The following CCSER2 variants were observed in gnomAD, a reference collection of about 807,000 sequenced individuals.
CCSER2 encodes the protein coiled-coil serine rich protein 2.
A neutral mutation model predicts 92.3 loss-of-function variants in CCSER2; 46 were observed. The ratio of observed to expected loss-of-function variants is 0.50; its 90% CI spans 0.39 to 0.64. CCSER2 has a LOEUF of 0.64. CCSER2 is among the 30% of genes least tolerant of loss of function. The probability of loss-of-function intolerance (pLI) is 0.00; values close to 1 mark genes in which losing one functional copy is unlikely to be tolerated. For synonymous variants in CCSER2, 433 were observed against 431.4 expected, an observed-to-expected ratio of 1.00 and a Z score of -0.04; for missense variants, 1,244 against 1,238.9, an observed-to-expected ratio of 1.00 and a Z score of -0.06.
At chr10:84,430,746 T>A (rs1564655358) in intron 5 of CCSER2, among the ~76,000 whole-genome samples, 1 of 152,234 alleles carries the variant, frequency 6.6e-6, no homozygotes, top group Non-Finnish European at 1.5e-5. Flanking sequence ...CAGAGCTTGC[T>A]GTTTCTTTGA....
intron 9 of CCSER2, chr10:84,507,173 T>C (rs1428117913): frequency 4.5e-5 from 9 of 199,686 alleles, no homozygotes; most frequent in African/African-American, 2.1e-4. Flanking sequence ...AACACAACAA[T>C]AGCAAAGCAA....
intron 9 of CCSER2, among the ~76,000 whole-genome samples, chr10:84,492,097 A>G (rs1207311926): frequency 3.3e-5 from 5 of 152,020 alleles, no homozygotes; most frequent in Non-Finnish European, 5.9e-5. Flanking sequence ...GGCTAACACA[A>G]TGAAACTCTG....
Position 84,419,746 on chromosome 10 carries a change from T to C in CCSER2, c.1705+1885T>C, listed in dbSNP as rs146343631. On this transcript the variant is annotated intron_variant, in intron 4 of 9. Transcript: ENST00000372088. The stretch of plus-strand genomic sequence containing the variant: ...AAGAACAAGGAAAATGACAGAACCC[T>C]GAGGATTAGAGTAGTCAAAGGAGAT... Among the ~76,000 whole-genome samples the C allele has an allele frequency of 5.2e-3, 798 of 152,292 alleles. 2 individuals carry two copies. Among genetic ancestry groups the C allele is most frequent in the African/African-American group, 0.018 (757 of 41,578 alleles).
At chr10:84,384,337 T>C (rs1469163787) in intron 3 of CCSER2, among the ~76,000 whole-genome samples, 2 of 152,172 alleles carry the variant, frequency 1.3e-5, no homozygotes, top group Non-Finnish European at 2.9e-5. Flanking sequence ...AAAAAACTAC[T>C]GGCCAGTATC....
intron 1 of CCSER2, among the ~76,000 whole-genome samples, chr10:84,365,983 A>G (rs1006309398): frequency 1.3e-5 from 2 of 152,184 alleles, no homozygotes; most frequent in African/African-American, 4.8e-5. Flanking sequence ...AATGAGGAAG[A>G]CAGTTGTCTG....
chr10:84,513,839 A>T lies in CCSER2; in HGVS notation c.2716A>T (p.Asn906Tyr). The change falls in exon 10 of 10, where the codon AAT becomes TAT. Residue 906 changes from asparagine (N) to tyrosine (Y), a missense_variant. Transcript: ENST00000372088. ...AGACCAGGCTAAGAGAGTTGGAAGA[A>T]ATCAGTCTCCGCCAGTGGGTTATAT... ...TVDQAKRVGR[N>Y]QSPPVGYMSQ... 6.5e-7 allele frequency: 1 copy of T among 1,536,254 alleles called. No individual in the cohort carries two copies. The highest frequency in any genetic ancestry group is 8.7e-7 in the Non-Finnish European group (1 of 1,146,930).
rs760290093 is a variant in CCSER2 at position 84,513,904 on chromosome 10, A to G, written c.2781A>G (p.Ile927Met). The change falls in exon 10 of 10, where the codon ATA (isoleucine) becomes ATG (methionine). Residue 927 changes from isoleucine (I) to methionine (M), a missense_variant. Coordinates refer to ENST00000372088, the MANE Select transcript of CCSER2 (RefSeq NM_001284240.2). ...PKSLQLLKPSILSSLVPPPVS... is the reference protein window; with the variant it reads ...PKSLQLLKPSMLSSLVPPPVS... Reference sequence around the variant, plus strand: ...CCTTGCAGCTTTTAAAGCCATCCATATTGAGTTCTTTGGTACCGCCTCCAG... The same window carrying G: ...CCTTGCAGCTTTTAAAGCCATCCATGTTGAGTTCTTTGGTACCGCCTCCAG... 33 of 1,536,508 alleles carry G rather than the reference A, an allele frequency of 2.1e-5. No homozygotes were observed. The highest frequency in any genetic ancestry group is 5.5e-5 in the African/African-American group (4 of 73,160).
intron 8 of CCSER2, among the ~76,000 whole-genome samples, chr10:84,477,316 A>G (rs1847207149): frequency 6.6e-6 from 1 of 152,172 alleles, no homozygotes; most frequent in African/African-American, 2.4e-5. Flanking sequence ...AATAGACCTT[A>G]TTGTTGGCTG....
At chr10:84,439,003 TAG>T (rs1261665804) in intron 6 of CCSER2, among the ~76,000 whole-genome samples, 2 of 152,168 alleles carry the variant, frequency 1.3e-5, no homozygotes, top group Non-Finnish European at 2.9e-5. Flanking sequence ...TTGAGAGAAT[TAG>T]AAATAATAGT....
chr10:84,330,419 C>T (rs1327857236), intron 1 of CCSER2, among the ~76,000 whole-genome samples: 1 of 152,170 alleles, frequency 6.6e-6, no homozygotes, highest in Non-Finnish European at 1.5e-5. Flanking sequence ...CATTTCATCC[C>T]TCTTGTCTTA....
chr10:84,332,409 T>TA (rs1392903473), intron 1 of CCSER2, among the ~76,000 whole-genome samples: 4 of 106,152 alleles, frequency 3.8e-5, no homozygotes, highest in African/African-American at 2.2e-4. Context: ...TAAATTTATT[T>TA]TTTTATATAT....
At chr10:84,470,050 A>G (rs1314292326) in intron 7 of CCSER2, among the ~76,000 whole-genome samples, 1 of 82,580 alleles carries the variant, frequency 1.2e-5, no homozygotes, top group Non-Finnish European at 2.4e-5. Flanking sequence ...TCTGTGGCCT[A>G]TGTCCCAGTT....
At chr10:84,458,036 A>G (rs971765176) in intron 6 of CCSER2, among the ~76,000 whole-genome samples, 2 of 151,934 alleles carry the variant, frequency 1.3e-5, no homozygotes, top group Non-Finnish European at 2.9e-5. Flanking sequence ...TGTGAGAGCA[A>G]AAGTTCTGCT....
intron 6 of CCSER2, among the ~76,000 whole-genome samples, chr10:84,450,930 A>G (rs1845243679): frequency 6.6e-6 from 1 of 152,214 alleles, no homozygotes; most frequent in African/African-American, 2.4e-5. Context: ...TAAAGATTGT[A>G]CAAAATACAA....
At position 84,513,770 on chromosome 10, in the gene CCSER2, T is replaced by G. The variant is rs1463564156; in HGVS notation, c.2647T>G (p.Phe883Val). Residue 883 changes from phenylalanine to valine, a missense_variant, in exon 10 of 10, where the codon TTT becomes GTT. Physicochemically the swap from Phe to Val is conservative, Grantham distance 50 (BLOSUM62 -1). Transcript: ENST00000372088. ...LANNQISDMQ[F>V]IPTSLQTPPE... ...AAACAATCAAATTAGTGACATGCAG[T>G]TTATACCCACTTCTCTTCAGACACC... 16 of 1,536,788 alleles carry G rather than the reference T, an allele frequency of 1.0e-5. No homozygotes were observed. Among genetic ancestry groups the G allele is most frequent in the Non-Finnish European group, 1.3e-5 (15 of 1,146,950 alleles).
intron 9 of CCSER2, among the ~76,000 whole-genome samples, chr10:84,501,834 A>AAAATATATATATATAT (rs1167460274): frequency 1.5e-4 from 6 of 40,170 alleles, no homozygotes; most frequent in African/African-American, 2.3e-4. Flanking sequence ...AAAAAAAAAA[A>AAAATATATATATATAT]ATATATATAT....
At chr10:84,505,937 C>A (rs1849017012) in intron 9 of CCSER2, among the ~76,000 whole-genome samples, 1 of 152,042 alleles carries the variant, frequency 6.6e-6, no homozygotes, top group Non-Finnish European at 1.5e-5. Flanking sequence ...GATAAATATA[C>A]TGTGTCTATT....
chr10:84,508,409 T>C (rs1212247110), intron 9 of CCSER2, among the ~76,000 whole-genome samples: 1 of 152,222 alleles, frequency 6.6e-6, no homozygotes, highest in Non-Finnish European at 1.5e-5. Flanking sequence ...TATACTGGTA[T>C]TACCCTCATT....
At chr10:84,329,955 C>G (rs558354793) in intron 1 of CCSER2, among the ~76,000 whole-genome samples, 2 of 152,110 alleles carry the variant, frequency 1.3e-5, no homozygotes, top group Non-Finnish European at 2.9e-5. Context: ...TTTGTTGAAC[C>G]CTTTAGCCAT....
Sources: gnomAD v4.1 joint callset for allele counts (sites outside exome capture counted in the v4.1 genomes callset) on GRCh38, gnomAD v4.1.1 for gene constraint, MANE v1.5 for transcripts, NCBI Gene and HGNC (gene_info 2026-07-23, HGNC 2026-07-21) for gene names.